Variants in RAB3GAP2 observed in about 807,000 individuals in gnomAD.
RAB3GAP2 encodes the protein RAB3 GTPase activating non-catalytic protein subunit 2, also known as rab3 GTPase-activating protein non-catalytic subunit.
A neutral mutation model predicts 185.3 loss-of-function variants in RAB3GAP2; 87 were observed. The observed-to-expected ratio is 0.47, with a 90% CI of 0.39 to 0.56. RAB3GAP2 has a LOEUF of 0.56. Among genes scored for constraint, RAB3GAP2 ranks in the 20% least tolerant of loss-of-function variants. RAB3GAP2 has a pLI of 0.00. For synonymous variants in RAB3GAP2, 554 were observed against 576.1 expected, an observed-to-expected ratio of 0.96 and a Z score of 0.55; for missense variants, 1,492 against 1,638.2, an observed-to-expected ratio of 0.91 and a Z score of 1.54.
chr1:220,237,448 CATTA>C (rs1191902457), intron 1 of RAB3GAP2, among the ~76,000 whole-genome samples: 2 of 152,246 alleles, frequency 1.3e-5, no homozygotes, highest in East Asian at 1.9e-4. Context: ...ACAGCATTCA[CATTA>C]ATTGTCTTCA....
At position 220,212,988 on chromosome 1, in the gene RAB3GAP2, A is replaced by C; in HGVS notation, c.305-20T>G. 1.1e-4 allele frequency: 165 copies of C among 1,552,896 alleles called. No individual in the cohort carries two copies. Among genetic ancestry groups the C allele is most frequent in the Non-Finnish European group, 1.3e-4 (149 of 1,131,902 alleles). On this transcript the variant is annotated intron_variant, in intron 3 of 34. Transcript: ENST00000358951. ...ATTTTGCTGTAAGAATTAAGATATC[A>C]TATAAAATAATTTTAGCTATAATAC... is the stretch of plus-strand genomic sequence containing the variant.
intron 10 of RAB3GAP2, 22 bp from the exon 11 acceptor site, chr1:220,195,399 A>C: frequency 6.4e-7 from 1 of 1,573,710 alleles, no homozygotes; most frequent in Non-Finnish European, 8.7e-7. Flanking sequence ...AACATTTGAA[A>C]GAGAAAACTT....
At chr1:220,175,247 G>T (rs1022867333) in intron 21 of RAB3GAP2, among the ~76,000 whole-genome samples, 6 of 151,008 alleles carry the variant, frequency 4.0e-5, no homozygotes, top group African/African-American at 1.2e-4. Context: ...TTTTTTTTGA[G>T]ACAGAGTCTC....
rs1304125135 is a variant in RAB3GAP2, at chr1:220,239,559, A to AAT, written c.116-6698_116-6697dup. Among the ~76,000 whole-genome samples the AAT allele has an allele frequency of 3.9e-5, 6 of 152,354 alleles. No homozygotes were observed. In the East Asian group the frequency reaches 1.2e-3, roughly 29 times the overall value. On this transcript the variant is annotated intron_variant, in intron 1 of 34. Transcript: ENST00000358951. ...AAATAACTTTTGTATGTAACATTAC[A>AAT]ATATTAATAATTTTTTTCTATTCCA...
chr1:220,197,548 T>C (rs926923098), intron 9 of RAB3GAP2, among the ~76,000 whole-genome samples: 8 of 152,148 alleles, frequency 5.3e-5, no homozygotes, highest in Admixed American at 3.3e-4. Context: ...ACCTATCTCA[T>C]AGTCATGAAT....
chr1:220,170,029 T>G (rs1393202208), intron 24 of RAB3GAP2, among the ~76,000 whole-genome samples: 2 of 152,040 alleles, frequency 1.3e-5, no homozygotes, highest in Non-Finnish European at 2.9e-5. Flanking sequence ...CAAATGCCCA[T>G]CAATGATAGA....
rs191560490 is a variant in RAB3GAP2 at position 220,259,672 on chromosome 1, A to G, written c.115+12551T>C. On this transcript the variant is annotated intron_variant, in intron 1 of 34. Transcript: ENST00000358951. ...AAAATCTAGCAATACCATTCAGGACATAGGCATGGGCAAAGATTTCATGAT... is the reference window on the plus strand; with the variant it reads ...AAAATCTAGCAATACCATTCAGGACGTAGGCATGGGCAAAGATTTCATGAT... Among the ~76,000 whole-genome samples the G allele has an allele frequency of 1.3e-3, 192 of 152,352 alleles. No individual in the cohort carries two copies. The Middle Eastern group carries it at 0.017, about 13-fold the overall frequency.
chr1:220,148,738 CTT>C lies in RAB3GAP2; in HGVS notation c.*2511_*2512del, dbSNP rs143756119. 1 of 151,394 alleles carries C rather than the reference CTT, an allele frequency of 6.6e-6. No individual in the cohort carries two copies. Among genetic ancestry groups the C allele is most frequent in the Non-Finnish European group, 1.5e-5 (1 of 67,814 alleles). 9.4% of individuals were successfully genotyped at this position (151,394 alleles called of 1,614,324 possible). On this transcript the variant is annotated 3_prime_UTR_variant, in exon 35 of 35. Coordinates refer to ENST00000358951, the MANE Select transcript of RAB3GAP2 (RefSeq NM_012414.4). ...ATGAAGTTTTATAATAAAAGTAAAA[CTT>C]TTTTTTTCTGTTTGCAAAAGTATGA...
Position 220,151,611 on chromosome 1 carries a change from C to T in RAB3GAP2, c.4021G>A (p.Ala1341Thr). ...TCTCGTTCTATTGTACTGACCATTG[C>T]TTTCAGCCAAGTACACAGTGTGGGT... Reference protein sequence around the residue: ...LPPTLCTWLKAMDPQDLQNTE... With the variant: ...LPPTLCTWLKTMDPQDLQNTE... Residue 1341 changes from alanine to threonine, a missense_variant, in exon 34 of 35, where the codon GCA (alanine) becomes ACA (threonine). Transcript: ENST00000358951. The T allele has an allele frequency of 6.2e-7, 1 of 1,610,594 alleles. No individual in the cohort carries two copies. The highest frequency in any genetic ancestry group is 8.5e-7 in the Non-Finnish European group (1 of 1,176,766).
intron 18 of RAB3GAP2, among the ~76,000 whole-genome samples, chr1:220,184,868 C>T (rs1459622428): frequency 1.3e-5 from 2 of 151,718 alleles, no homozygotes; most frequent in Admixed American, 1.3e-4. Context: ...AAGGAGTTCA[C>T]TATTTGCCAA....
chr1:220,244,816 A>G (rs1371608099), intron 1 of RAB3GAP2, among the ~76,000 whole-genome samples: 1 of 152,162 alleles, frequency 6.6e-6, no homozygotes, highest in Non-Finnish European at 1.5e-5. Context: ...TCTCATAAAA[A>G]ATCAACTCAA....
At chr1:220,202,907 C>T (rs1015016244) in intron 8 of RAB3GAP2, among the ~76,000 whole-genome samples, 1 of 152,204 alleles carries the variant, frequency 6.6e-6, no homozygotes, top group Non-Finnish European at 1.5e-5. Context: ...CACGCCACTG[C>T]ACTCCAGCCC....
intron 2 of RAB3GAP2, among the ~76,000 whole-genome samples, chr1:220,231,441 T>C (rs1659498571): frequency 6.6e-6 from 1 of 152,216 alleles, no homozygotes; most frequent in Admixed American, 6.5e-5. Context: ...TTCATCCATC[T>C]TTCTTTTTTA....
chr1:220,243,083 G>A (rs375876339), intron 1 of RAB3GAP2, among the ~76,000 whole-genome samples: 12 of 152,046 alleles, frequency 7.9e-5, no homozygotes, highest in Admixed American at 5.2e-4. Context: ...GGCTGGGCAC[G>A]GCGGCTCACG....
chr1:220,199,174 A>G (rs1277003325), intron 9 of RAB3GAP2, among the ~76,000 whole-genome samples: 1 of 152,152 alleles, frequency 6.6e-6, no homozygotes, highest in Admixed American at 6.5e-5. Flanking sequence ...TGTAGAAAAA[A>G]AAAGGAGGAG....
intron 1 of RAB3GAP2, among the ~76,000 whole-genome samples, chr1:220,255,848 GA>G (rs1038431444): frequency 3.3e-5 from 5 of 152,248 alleles, no homozygotes; most frequent in Non-Finnish European, 7.4e-5. Context: ...AACCAAGTTG[GA>G]AAACAGTTCA....
In RAB3GAP2 at chr1:220,148,625, T is replaced by C. The variant is rs144161406; in HGVS notation, c.*2626A>G. ...AACATTATATTCAGTGTAAGTCTCATATTATTAAATTTCAGATTTTTGACT... is the reference window on the plus strand; with the variant it reads ...AACATTATATTCAGTGTAAGTCTCACATTATTAAATTTCAGATTTTTGACT... On this transcript the variant is annotated 3_prime_UTR_variant, in exon 35 of 35. Coordinates refer to ENST00000358951, the MANE Select transcript of RAB3GAP2 (RefSeq NM_012414.4). The C allele has an allele frequency of 2.6e-5, 4 of 152,292 alleles. No homozygotes were observed. The highest frequency in any genetic ancestry group is 9.6e-5 in the African/African-American group (4 of 41,582). The allele number at this position is 152,292 out of a possible 1,614,324, so 9.4% of individuals were successfully genotyped here.
chr1:220,257,887 TA>T (rs1306580064), intron 1 of RAB3GAP2, among the ~76,000 whole-genome samples: 1 of 151,966 alleles, frequency 6.6e-6, no homozygotes, highest in Non-Finnish European at 1.5e-5. Context: ...TATGAAATGA[TA>T]AGGGGAATAT....
chr1:220,235,076 C>T (rs1421243728), intron 1 of RAB3GAP2, among the ~76,000 whole-genome samples: 1 of 152,124 alleles, frequency 6.6e-6, no homozygotes, highest in Non-Finnish European at 1.5e-5. Flanking sequence ...GTCTGAGTTC[C>T]AAAACCCATG....
Sources: allele counts gnomAD v4.1 joint callset (sites outside exome capture counted in the v4.1 genomes callset), GRCh38; gene constraint gnomAD v4.1.1; transcripts MANE v1.5; gene names NCBI Gene and HGNC (gene_info 2026-07-23, HGNC 2026-07-21).